Variants in NRG3 observed in about 807,000 individuals in gnomAD.
NRG3 encodes the protein pro-neuregulin-3, membrane-bound isoform.
NRG3 carries 31 observed loss-of-function variants against 66.9 expected under a neutral mutation model. That is an observed-to-expected ratio of 0.46 (90% CI 0.35 to 0.63). The LOEUF (loss-of-function observed/expected upper bound fraction) is 0.63. Among genes scored for constraint, NRG3 ranks in the 20% least tolerant of loss-of-function variants. The pLI is 0.00. For synonymous variants in NRG3, 393 were observed against 359.4 expected (o/e 1.09, Z -1.06); for missense variants, 910 against 878.9 (o/e 1.04, Z -0.45).
At chr10:81,924,066 C>T (rs2132904348) in intron 1 of NRG3, among the ~76,000 whole-genome samples, 1 of 152,286 alleles carries the variant, frequency 6.6e-6, no homozygotes, top group Non-Finnish European at 1.5e-5. Flanking sequence ...CCCAGTAGGA[C>T]TGACCCCGGT....
chr10:81,943,041 A>G (rs984614018), intron 1 of NRG3, among the ~76,000 whole-genome samples: 2 of 152,128 alleles, frequency 1.3e-5, no homozygotes, highest in Non-Finnish European at 2.9e-5. Context: ...ACCTTATCAC[A>G]TGGACATATT....
intron 4 of NRG3, among the ~76,000 whole-genome samples, chr10:82,866,239 C>G (rs1840720862): frequency 1.5e-5 from 1 of 67,314 alleles, no homozygotes. Flanking sequence ...CTATTAAATT[C>G]AGATTTTTTT....
chr10:82,051,371 AC>A (rs1363404374), intron 1 of NRG3, among the ~76,000 whole-genome samples: 2 of 152,172 alleles, frequency 1.3e-5, no homozygotes, highest in East Asian at 1.9e-4. Flanking sequence ...CTTCACTCTA[AC>A]CAACTTTTCT....
rs934607509 is a variant in NRG3, at chr10:82,927,570, A to G, written c.1055-23899A>G. 6.6e-5 allele frequency among the ~76,000 whole-genome samples: 10 copies of G among 151,944 alleles called. No individual in the cohort carries two copies. In the South Asian group the frequency reaches 2.1e-3, roughly 32 times the overall value. On this transcript the variant is annotated intron_variant, in intron 4 of 8. Coordinates refer to ENST00000372141, the MANE Select transcript of NRG3 (RefSeq NM_001010848.4). ...CATGTGTTCTCATTGTTCAACTCCC[A>G]CTTATGAGTGAGAGCATGTGCTGTT...
chr10:82,867,203 T>C (rs495978), intron 4 of NRG3, among the ~76,000 whole-genome samples: 112,568 of 152,006 alleles, frequency 0.74, 42,266 homozygotes, highest in African/African-American at 0.87. Flanking sequence ...AAATGACTAG[T>C]TTTATTCAAG....
intron 2 of NRG3, among the ~76,000 whole-genome samples, chr10:82,515,021 C>T (rs925599301): frequency 2.6e-5 from 4 of 152,100 alleles, no homozygotes. Flanking sequence ...ACTCTAGCTG[C>T]CAGGGTGTGA....
Position 82,503,975 on chromosome 10 carries a change from A to G in NRG3, c.953+145107A>G, listed in dbSNP as rs547075037. On this transcript the variant is annotated intron_variant, in intron 2 of 8. Coordinates refer to ENST00000372141, the MANE Select transcript of NRG3 (RefSeq NM_001010848.4). ...TCTTTGAATGTCATCTGTTAAATGG[A>G]AAAAAAATGCCACTCTTACTTCTCA... Among the ~76,000 whole-genome samples the G allele has an allele frequency of 2.2e-4, 33 of 152,148 alleles. No individual in the cohort carries two copies. In the South Asian group the frequency reaches 6.6e-3, roughly 31 times the overall value.
intron 1 of NRG3, among the ~76,000 whole-genome samples, chr10:81,898,513 A>G (rs1030938422): frequency 2.0e-5 from 3 of 152,192 alleles, no homozygotes; most frequent in African/African-American, 2.4e-5. Flanking sequence ...CAGACAATCT[A>G]AATGTTTACT....
chr10:82,713,074 C>T (rs1019491014), intron 2 of NRG3, among the ~76,000 whole-genome samples: 3 of 121,440 alleles, frequency 2.5e-5, no homozygotes, highest in Non-Finnish European at 4.8e-5. Flanking sequence ...GAGCCAAGAT[C>T]GTGCCACTGC....
chr10:82,080,460 C>A (rs746212795), intron 1 of NRG3, among the ~76,000 whole-genome samples: 1 of 151,882 alleles, frequency 6.6e-6, no homozygotes, highest in South Asian at 2.1e-4. Flanking sequence ...CATCTTAGAC[C>A]CTCCTTCTGC....
intron 1 of NRG3, among the ~76,000 whole-genome samples, chr10:82,136,948 G>A (rs967778162): frequency 2.0e-5 from 3 of 152,206 alleles, no homozygotes; most frequent in South Asian, 4.1e-4. Context: ...GAGGGGTAAC[G>A]TAGGCTTCAA....
At chr10:82,968,248 C>T (rs1851385904) in intron 6 of NRG3, among the ~76,000 whole-genome samples, 1 of 152,136 alleles carries the variant, frequency 6.6e-6, no homozygotes, top group African/African-American at 2.4e-5. Context: ...AATTATTAGA[C>T]TCTTATCATG....
intron 1 of NRG3, among the ~76,000 whole-genome samples, chr10:82,055,476 CAAA>C (rs35438768): frequency 6.9e-5 from 8 of 115,890 alleles, no homozygotes; most frequent in Non-Finnish European, 9.2e-5. Context: ...GACTCCGTCT[CAAA>C]AAAAAAAAAA....
intron 1 of NRG3, among the ~76,000 whole-genome samples, chr10:82,311,046 A>C (rs113257249): frequency 1.5e-5 from 2 of 134,010 alleles, no homozygotes; most frequent in African/African-American, 7.2e-5. Context: ...AGATTGAGCC[A>C]AATGAGAGTG....
intron 2 of NRG3, among the ~76,000 whole-genome samples, chr10:82,561,452 G>T (rs544383709): frequency 1.3e-5 from 2 of 152,276 alleles, no homozygotes; most frequent in East Asian, 3.9e-4. Context: ...AAGAATTTGA[G>T]ATCAGCCTGA....
chr10:81,879,816 T>G lies in NRG3; in HGVS notation c.823+3653T>G, dbSNP rs72835845. Among the ~76,000 whole-genome samples the G allele has an allele frequency of 8.6e-3, 1,307 of 152,348 alleles. 12 individuals are homozygous for G. The highest frequency in any genetic ancestry group is 0.035 in the South Asian group (169 of 4,828). ...TTATTCTTTTCAACATCTTCATTCC[T>G]TAAATAAGGGTACACTTGTTTGCTT... On this transcript the variant is annotated intron_variant, in intron 1 of 8. Coordinates refer to ENST00000372141, the MANE Select transcript of NRG3 (RefSeq NM_001010848.4).
chr10:82,542,545 A>C (rs1034266026), intron 2 of NRG3, among the ~76,000 whole-genome samples: 42 of 152,242 alleles, frequency 2.8e-4, no homozygotes, highest in African/African-American at 8.2e-4. Context: ...TTTATCAATC[A>C]CAAATAATAA....
At chr10:82,355,238 A>T (rs1209073073) in intron 1 of NRG3, among the ~76,000 whole-genome samples, 1 of 152,206 alleles carries the variant, frequency 6.6e-6, no homozygotes, top group Non-Finnish European at 1.5e-5. Context: ...TTGGCATTAG[A>T]TCTTATCCAT....
At position 81,912,056 on chromosome 10, in the gene NRG3, G is replaced by A. The variant is rs567144606; in HGVS notation, c.823+35893G>A. Among the ~76,000 whole-genome samples the A allele has an allele frequency of 5.9e-5, 9 of 152,136 alleles. No individual in the cohort carries two copies. In the East Asian group the frequency reaches 9.7e-4, roughly 16 times the overall value. On this transcript the variant is annotated intron_variant, in intron 1 of 8. Coordinates refer to ENST00000372141, the MANE Select transcript of NRG3 (RefSeq NM_001010848.4). ...TACTCACCAGAAAAAAACAATCACC[G>A]TTAGAAATCTCAGGGTAATGCTTTC... is the stretch of plus-strand genomic sequence containing the variant.
Sources: allele counts gnomAD v4.1 joint callset (sites outside exome capture counted in the v4.1 genomes callset), GRCh38; gene constraint gnomAD v4.1.1; transcripts MANE v1.5; gene names NCBI Gene and HGNC (gene_info 2026-07-23, HGNC 2026-07-21).